The following CCDC47 variants were observed in gnomAD, a reference collection of about 807,000 sequenced individuals.
CCDC47 encodes coiled-coil domain containing 47, also known as PAT complex subunit CCDC47.
A neutral mutation model predicts 60.5 loss-of-function variants in CCDC47; 41 were observed. The observed-to-expected ratio is 0.68, with a 90% confidence interval of 0.53 to 0.88. The LOEUF is 0.88. CCDC47 is among the 40% of genes least tolerant of loss of function. The pLI is 0.00. For synonymous variants in CCDC47, 195 were observed against 190.7 expected (o/e 1.02, Z -0.18); for missense variants, 513 against 580.9 (o/e 0.88, Z 1.20).
chr17:63,752,174 A>G, intron 11 of CCDC47, 67 bp from the exon 12 acceptor site: 7 of 1,571,726 alleles, frequency 4.5e-6, no homozygotes, highest in Non-Finnish European at 2.6e-6. Context: ...AATCCCGTTT[A>G]GCATTCTTTC....
At chr17:63,747,840 T>C (rs2039132041) in intron 12 of CCDC47, 1 of 963,218 alleles carries the variant, frequency 1.0e-6, no homozygotes, top group Non-Finnish European at 1.2e-6. Context: ...TGGGAACTAT[T>C]GACTGTCTTA....
At chr17:63,771,852 T>C (rs1358526974) in intron 1 of CCDC47, among the ~76,000 whole-genome samples, 1 of 151,802 alleles carries the variant, frequency 6.6e-6, no homozygotes, top group African/African-American at 2.4e-5. Context: ...GAGGCCGAGG[T>C]GGGTGGATCA....
chr17:63,759,379 C>T (rs545547006), intron 6 of CCDC47, among the ~76,000 whole-genome samples: 1 of 147,144 alleles, frequency 6.8e-6, no homozygotes, highest in South Asian at 2.2e-4. Context: ...ATCTCAACTG[C>T]TTGGGAGGCT....
chr17:63,759,559 A>T (rs1286869959), intron 6 of CCDC47, among the ~76,000 whole-genome samples: 5 of 88,336 alleles, frequency 5.7e-5, no homozygotes, highest in Non-Finnish European at 1.1e-4. Flanking sequence ...ATATATATAT[A>T]TATATATATA....
Position 63,758,951 on chromosome 17 carries a change from GGAGA to G in CCDC47, c.735+1959_735+1962del, listed in dbSNP as rs140144742. 4.0e-5 allele frequency among the ~76,000 whole-genome samples: 6 copies of G among 151,146 alleles called. 1 individual carries two copies. Among genetic ancestry groups the G allele is most frequent in the South Asian group, 4.2e-4 (2 of 4,788 alleles). On this transcript the variant is annotated intron_variant, in intron 6 of 12. Coordinates refer to ENST00000225726, the MANE Select transcript of CCDC47 (RefSeq NM_020198.3). Reference sequence around the variant, plus strand: ...GTTGAAGCAATTTCTCTTAGCAGGAGGAGAGAGAGAGAGAGGGAATGAGAACTGA... The same window carrying G: ...GTTGAAGCAATTTCTCTTAGCAGGAGGAGAGAGAGAGGGAATGAGAACTGA...
intron 6 of CCDC47, among the ~76,000 whole-genome samples, 183 bp from the exon 7 acceptor site, chr17:63,756,753 T>C (rs986704756): frequency 2.0e-5 from 3 of 152,178 alleles, no homozygotes; most frequent in African/African-American, 7.2e-5. Context: ...AGAAGGTCCC[T>C]AATCAGCTGA....
rs2039369906 is a variant in CCDC47, at chr17:63,773,569, C to G, written c.-177G>C. 1 of 152,330 alleles carries G rather than the reference C, an allele frequency of 6.6e-6. No homozygotes were observed. The highest frequency in any genetic ancestry group is 6.5e-5 in the Admixed American group (1 of 15,294). 9.4% of individuals were successfully genotyped at this position (152,330 alleles called of 1,614,324 possible). On this transcript the variant is annotated 5_prime_UTR_variant, in exon 1 of 13. Transcript: ENST00000225726. ...ACCGTAGCTCAGTCACGCCGCGCCT[C>G]TCTTCACGTAGCCTCCGCCGTCCGT...
intron 6 of CCDC47, among the ~76,000 whole-genome samples, chr17:63,760,594 T>G (rs2039250905): frequency 6.6e-6 from 1 of 152,140 alleles, no homozygotes; most frequent in South Asian, 2.1e-4. Flanking sequence ...ATCCCAGCAC[T>G]TTGGGAGGCC....
intron 1 of CCDC47, among the ~76,000 whole-genome samples, chr17:63,766,581 G>A (rs576237335): frequency 1.6e-4 from 25 of 152,082 alleles, no homozygotes; most frequent in Non-Finnish European, 2.5e-4. Context: ...GTGCCACCAC[G>A]CCTGGCTAAT....
Position 63,764,170 on chromosome 17 carries a change from G to T in CCDC47, c.393C>A (p.Asn131Lys). The change falls in exon 4 of 13, where the codon AAC (asparagine) becomes AAA (lysine). Residue 131 changes from asparagine to lysine, a missense_variant. Physicochemically the swap from Asn to Lys is moderately conservative, Grantham distance 94 (BLOSUM62 0). Coordinates refer to ENST00000225726, the MANE Select transcript of CCDC47 (RefSeq NM_020198.3). ...TIVDVPAHLQ[N>K]SWESYYLEIL... The stretch of plus-strand genomic sequence containing the variant: ...TTTCTAGATAATAACTCTCCCAGCT[G>T]TTCTGGAGGTGTGCAGGAACCTAAA... 6.2e-7 allele frequency: 1 copy of T among 1,607,620 alleles called. No homozygotes were observed. Among genetic ancestry groups the T allele is most frequent in the South Asian group, 1.1e-5 (1 of 89,842 alleles).
chr17:63,758,239 G>A (rs2039222429), intron 6 of CCDC47, among the ~76,000 whole-genome samples: 1 of 152,304 alleles, frequency 6.6e-6, no homozygotes, highest in Admixed American at 6.5e-5. Flanking sequence ...ATAGGAACCC[G>A]ATTAATAGTT....
In CCDC47 at chr17:63,746,929, C is replaced by T. The variant is rs1330137941; in HGVS notation, c.1404G>A (p.Leu468=). 1.2e-6 allele frequency: 2 copies of T among 1,613,428 alleles called. No homozygotes were observed. The highest frequency in any genetic ancestry group is 1.7e-6 in the Non-Finnish European group (2 of 1,179,772). ...EAALRREQKK[L]EKKQMKMKQI... ...GTTTCATTTTCATTTGCTTCTTTTC[C>T]AACTTCTTTTGCTCACGCCTCAATG... The change falls in exon 13 of 13, where the codon TTG becomes TTA. Residue 468 remains leucine (L), a synonymous_variant. Transcript: ENST00000225726.
In CCDC47 at chr17:63,762,586, A is replaced by G. The variant is rs551084557; in HGVS notation, c.548-1235T>C. On this transcript the variant is annotated intron_variant, in intron 4 of 12. Coordinates refer to ENST00000225726, the MANE Select transcript of CCDC47 (RefSeq NM_020198.3). ...GGTGGATACATGCTTACTATTAAAG[A>G]GAAATAAGGTGCTAAATGCCAAATA... Among the ~76,000 whole-genome samples, 6 of 152,346 alleles carry G rather than the reference A, an allele frequency of 3.9e-5. 1 individual carries two copies. Among genetic ancestry groups the G allele is most frequent in the African/African-American group, 1.4e-4 (6 of 41,580 alleles).
In CCDC47 at chr17:63,756,332, T is replaced by G; in HGVS notation, c.856A>C (p.Lys286Gln). ...CCATACTTTGCTCCAGACTTAGGTTTATCACTACAAAACTCACTCTAGAGG... is the reference window on the plus strand; with the variant it reads ...CCATACTTTGCTCCAGACTTAGGTTGATCACTACAAAACTCACTCTAGAGG... ...MQDLSEFCSD[K>Q]PKSGAKYGLP... The change falls in exon 8 of 13, where the codon AAA becomes CAA. Residue 286 changes from lysine to glutamine, a missense_variant. Lys to Gln is a moderately conservative substitution (Grantham distance 53). Transcript: ENST00000225726. 1 of 1,614,072 alleles carries G rather than the reference T, an allele frequency of 6.2e-7. No homozygotes were observed. Among genetic ancestry groups the G allele is most frequent in the Non-Finnish European group, 8.5e-7 (1 of 1,179,904 alleles).
intron 12 of CCDC47, chr17:63,747,707 A>C: frequency 1.0e-6 from 1 of 985,260 alleles, no homozygotes; most frequent in African/African-American, 1.7e-5. Context: ...AAATGTGCTC[A>C]GAAATATACT....
intron 8 of CCDC47, chr17:63,755,460 G>GAAAAAAA (rs1285016536): frequency 2.6e-5 from 2 of 77,854 alleles, no homozygotes; most frequent in African/African-American, 4.6e-5. Context: ...TCTCTACTAA[G>GAAAAAAA]AAAAAAAAAA....
intron 6 of CCDC47, among the ~76,000 whole-genome samples, chr17:63,759,683 C>G (rs951945871): frequency 4.0e-5 from 6 of 149,022 alleles, no homozygotes; most frequent in Non-Finnish European, 7.4e-5. Context: ...ATATACATAT[C>G]TATCTCTTGT....
chr17:63,759,412 C>A (rs1193864085), intron 6 of CCDC47, among the ~76,000 whole-genome samples: 1 of 143,194 alleles, frequency 7.0e-6, no homozygotes, highest in Non-Finnish European at 1.5e-5. Context: ...TCGCTTGAAC[C>A]CTGGAGGCGG....
intron 4 of CCDC47, chr17:63,762,312 G>A (rs1290751204): frequency 2.3e-6 from 2 of 876,298 alleles, no homozygotes; most frequent in East Asian, 1.2e-4. Context: ...CGAATTTCCT[G>A]GTCAAAACAT....
Sources: gnomAD v4.1 joint callset for allele counts (sites outside exome capture counted in the v4.1 genomes callset) on GRCh38, gnomAD v4.1.1 for gene constraint, MANE v1.5 for transcripts, NCBI Gene and HGNC (gene_info 2026-07-23, HGNC 2026-07-21) for gene names.